Variants in NAV1 observed in about 807,000 individuals in gnomAD.
NAV1 encodes the protein neuron navigator 1, also known as pore membrane and/or filament interacting like protein 3.
In NAV1, 18 loss-of-function variants were observed where a neutral mutation model predicts 175.2. The ratio of observed to expected loss-of-function variants is 0.10; its 90% confidence interval spans 0.07 to 0.15. The LOEUF (loss-of-function observed/expected upper bound fraction) is 0.15. Among genes scored for constraint, NAV1 ranks in the 10% least tolerant of loss-of-function variants. The probability of loss-of-function intolerance (pLI) is 1.00; values close to 1 mark genes in which losing one functional copy is unlikely to be tolerated. For missense variants in NAV1, 1,731 were observed against 2,436.6 expected (o/e 0.71, Z 6.10); for synonymous variants, 897 against 978.7 (o/e 0.92, Z 1.56).
chr1:201,786,266 C>T (rs1270579696), intron 8 of NAV1, among the ~76,000 whole-genome samples, 163 bp from the exon 13 acceptor site: 2 of 152,148 alleles, frequency 1.3e-5, no homozygotes, highest in Non-Finnish European at 2.9e-5. Context: ...GGCTGAGTCG[C>T]CACCTCTTAC....
intron 1 of NAV1, among the ~76,000 whole-genome samples, chr1:201,650,797 C>T (rs1373151000): frequency 6.6e-6 from 1 of 152,150 alleles, no homozygotes. Context: ...CAGGGGCAAT[C>T]AGGAGACTGG....
At chr1:201,739,833 A>G (rs1459230284) in intron 3 of NAV1, 3 of 1,245,526 alleles carry the variant, frequency 2.4e-6, no homozygotes, top group African/African-American at 3.1e-5. Context: ...CACTTTAAGT[A>G]CAGCTGGAGC....
In NAV1 at chr1:201,623,546, T is replaced by C. The variant is rs924756820; in HGVS notation, c.-161T>C. 15 of 986,054 alleles carry C rather than the reference T, an allele frequency of 1.5e-5. No homozygotes were observed. The African/African-American group carries it at 2.6e-4, about 17-fold the overall frequency. The allele number at this position is 986,054 out of a possible 1,614,324, so 61.1% of individuals were successfully genotyped here. A position where few individuals can be genotyped will look rare whatever the true frequency, so the allele number is the denominator to read the frequency against. On this transcript the variant is annotated 5_prime_UTR_variant, in exon 1 of 30. Transcript: ENST00000367302. ...TCTCCCTCTCCGGGGGCCATTAGCTTCTCCTCAGTCCATCAGCAGAGTCAG... is the reference window on the plus strand; with the variant it reads ...TCTCCCTCTCCGGGGGCCATTAGCTCCTCCTCAGTCCATCAGCAGAGTCAG...
At chr1:201,757,801 AAAAG>A (rs1674607926) in intron 3 of NAV1, among the ~76,000 whole-genome samples, 1 of 152,220 alleles carries the variant, frequency 6.6e-6, no homozygotes, top group African/African-American at 2.4e-5. Flanking sequence ...CCCAAGTCTG[AAAAG>A]AAAGACAGGG....
intron 3 of NAV1, among the ~76,000 whole-genome samples, chr1:201,731,064 G>T (rs748847075): frequency 6.6e-6 from 1 of 152,100 alleles, no homozygotes; most frequent in Non-Finnish European, 1.5e-5. Flanking sequence ...AAAGAGTCAG[G>T]CCCATAGAGA....
chr1:201,662,408 C>T (rs1669648708), intron 1 of NAV1, among the ~76,000 whole-genome samples: 1 of 152,226 alleles, frequency 6.6e-6, no homozygotes, highest in Non-Finnish European at 1.5e-5. Context: ...ATGTCTGCTA[C>T]AGGGGATAGG....
chr1:201,812,191 G>C lies in NAV1; in HGVS notation c.5024+217G>C, dbSNP rs751411946. ...TGCTAAGCTAAGAGAGAGCCAGGTA[G>C]GTTGCTCTAAGCAGAATTAGGATTC... is the stretch of plus-strand genomic sequence containing the variant. On this transcript the variant is annotated intron_variant, in intron 26 of 29. Coordinates refer to ENST00000367296, the Ensembl canonical transcript of NAV1. The surrounding 1 kb of genome is among the most constrained non-coding windows in gnomAD (Gnocchi z 4.6). 9.9e-5 allele frequency among the ~76,000 whole-genome samples: 15 copies of C among 152,246 alleles called. No individual in the cohort carries two copies. Among genetic ancestry groups the C allele is most frequent in the Non-Finnish European group, 2.2e-4 (15 of 68,044 alleles).
intron 3 of NAV1, among the ~76,000 whole-genome samples, chr1:201,743,815 G>T (rs889470893): frequency 6.6e-6 from 1 of 152,138 alleles, no homozygotes; most frequent in African/African-American, 2.4e-5. Flanking sequence ...ATGCTAATGA[G>T]GATGGCATAT....
At chr1:201,559,939 A>G (rs1199627258) in intron 1 of NAV1, among the ~76,000 whole-genome samples, 1 of 152,140 alleles carries the variant, frequency 6.6e-6, no homozygotes, top group Non-Finnish European at 1.5e-5. Context: ...CAGGTCCCAC[A>G]GGCACGTGTC....
chr1:201,784,221 A>G (rs1263587050), intron 7 of NAV1, among the ~76,000 whole-genome samples: 3 of 152,008 alleles, frequency 2.0e-5, no homozygotes, highest in Admixed American at 2.0e-4. Context: ...GCAGTGGTGC[A>G]GTCTTGGCTC....
intron 1 of NAV1, among the ~76,000 whole-genome samples, chr1:201,705,898 C>T (rs1671645720): frequency 1.3e-5 from 2 of 151,968 alleles, no homozygotes; most frequent in Admixed American, 1.3e-4. Flanking sequence ...TAGGATGGAG[C>T]CTTTGCAGTG....
rs756629483 is a variant in NAV1, at chr1:201,813,040, A to T, written c.5222-100A>T. The T allele has an allele frequency of 2.4e-6, 2 of 832,822 alleles. No homozygotes were observed. The highest frequency in any genetic ancestry group is 2.0e-6 in the Non-Finnish European group (1 of 512,506). The allele number at this position is 832,822 out of a possible 1,614,324, so 51.6% of individuals were successfully genotyped here. On this transcript the variant is annotated intron_variant, in intron 27 of 29. Transcript: ENST00000367296. This position sits in a 1 kb window ranked among gnomAD's most constrained non-coding sequence, Gnocchi z 4.2. ...ACTCTAAATTTCCTTTAATCCTTTG[A>T]CTGTCAGACCCCTCTGCCTGGTACT...
At chr1:201,672,599 AG>A (rs1193666424) in intron 1 of NAV1, among the ~76,000 whole-genome samples, 1 of 152,230 alleles carries the variant, frequency 6.6e-6, no homozygotes, top group Non-Finnish European at 1.5e-5. Context: ...CCTGAGGCAA[AG>A]AAAGGTTAAG....
chr1:201,803,486 G>A (rs1241737920), intron 15 of NAV1, 107 bp from the exon 20 acceptor site: 6 of 1,091,354 alleles, frequency 5.5e-6, no homozygotes, highest in Non-Finnish European at 7.9e-6. Context: ...TGTGATTGAG[G>A]AGTTGGTTGG....
exon 1 of NAV1, chr1:201,623,200 A>G: frequency 1.0e-6 from 1 of 985,874 alleles, no homozygotes; most frequent in African/African-American, 1.7e-5. Flanking sequence ...TCCCAGGACA[A>G]CCCCGAAAGC....
rs933694981 is a variant in NAV1 at position 201,813,642 on chromosome 1, T to C, written c.5340+384T>C. Among the ~76,000 whole-genome samples, 1 of 150,856 alleles carries C rather than the reference T, an allele frequency of 6.6e-6. No individual in the cohort carries two copies. The highest frequency in any genetic ancestry group is 2.4e-5 in the African/African-American group (1 of 41,206). On this transcript the variant is annotated intron_variant, in intron 28 of 29. Transcript: ENST00000367296. The surrounding 1 kb of genome is among the most constrained non-coding windows in gnomAD (Gnocchi z 4.2). ...TAATAAGTATGTTATATTAACCAAGTTACTTGACCTTTTTAAATACCCTCA... is the reference window on the plus strand; with the variant it reads ...TAATAAGTATGTTATATTAACCAAGCTACTTGACCTTTTTAAATACCCTCA...
At position 201,649,996 on chromosome 1, in the gene NAV1, G is replaced by C. The variant is rs145594220; in HGVS notation, c.757+571G>C. On this transcript the variant is annotated intron_variant, in intron 1 of 29. Transcript: ENST00000367296. ...GCTAAAAGAAGCGTCTAGGGCCGGG[G>C]GCGGGCGGGCTGCCAGCTGTGCGCA... Among the ~76,000 whole-genome samples the C allele has an allele frequency of 3.7e-3, 561 of 152,316 alleles. 5 individuals are homozygous for C. Among genetic ancestry groups the C allele is most frequent in the African/African-American group, 0.013 (538 of 41,584 alleles).
intron 1 of NAV1, among the ~76,000 whole-genome samples, chr1:201,573,230 G>C (rs1409317483): frequency 6.6e-6 from 1 of 152,232 alleles, no homozygotes; most frequent in Non-Finnish European, 1.5e-5. Context: ...TCAAGTCGAG[G>C]CAGGCCACAG....
intron 1 of NAV1, among the ~76,000 whole-genome samples, chr1:201,676,451 C>T (rs140704058): frequency 2.1e-3 from 313 of 152,322 alleles, no homozygotes; most frequent in African/African-American, 7.0e-3. Flanking sequence ...ACAGGCCCAG[C>T]TCTGTCCCCT....
Sources: gnomAD v4.1 joint callset for allele counts (sites outside exome capture counted in the v4.1 genomes callset) on GRCh38, gnomAD v4.1.1 for gene constraint, Gnocchi (gnomAD v3.1) non-coding constraint, MANE v1.5 for transcripts, NCBI Gene and HGNC (gene_info 2026-07-23, HGNC 2026-07-21) for gene names.